The following TUNAR variants were observed in gnomAD, a reference collection of about 807,000 sequenced individuals.
The protein encoded by TUNAR is transmembrane neural differentiation associated intracellular calcium regulator, also known as protein TUNAR.
rs1446098459 is a variant in TUNAR at position 95,895,451 on chromosome 14, G to C, written c.12+18274G>C. On this transcript the variant is annotated intron_variant, in intron 2 of 2. Coordinates refer to ENST00000678517, the Ensembl canonical transcript of TUNAR. This position sits in a 1 kb window ranked among gnomAD's most constrained non-coding sequence, Gnocchi z 4.5. The stretch of plus-strand genomic sequence containing the variant: ...GGTGCGTGTGTGTATGTGTGGGTGT[G>C]CATGCATAGGAGGAAAGGGAGCGGA... 6.6e-6 allele frequency among the ~76,000 whole-genome samples: 1 copy of C among 152,144 alleles called. No individual in the cohort carries two copies. Among genetic ancestry groups the C allele is most frequent in the Non-Finnish European group, 1.5e-5 (1 of 68,026 alleles).
chr14:95,922,909 C>T (rs775271382), exon 3 of TUNAR: 6 of 398,890 alleles, frequency 1.5e-5, no homozygotes, highest in Non-Finnish European at 2.2e-5. Flanking sequence ...TGGGGATTAT[C>T]GGGACCATTC....
intron 2 of TUNAR, among the ~76,000 whole-genome samples, chr14:95,890,396 G>A (rs569114539): frequency 4.6e-5 from 7 of 152,252 alleles, no homozygotes; most frequent in African/African-American, 1.4e-4. Flanking sequence ...CCCTACATTT[G>A]TGTGGCCTCA....
At chr14:95,900,322 T>C (rs1449575089) in intron 2 of TUNAR, among the ~76,000 whole-genome samples, 1 of 151,974 alleles carries the variant, frequency 6.6e-6, no homozygotes, top group Non-Finnish European at 1.5e-5. Flanking sequence ...GGCTGCATGA[T>C]TGCGGGGAAA....
Position 95,903,167 on chromosome 14 carries a change from C to A in TUNAR, c.13-19614C>A, listed in dbSNP as rs569215734. On this transcript the variant is annotated intron_variant, in intron 2 of 2. Coordinates refer to ENST00000678517, the Ensembl canonical transcript of TUNAR. ...GAGAGAATCCCAGCTCTCTCACACCCTGAGGAAAGGGGAGATGTTTCTCCC... is the reference window on the plus strand; with the variant it reads ...GAGAGAATCCCAGCTCTCTCACACCATGAGGAAAGGGGAGATGTTTCTCCC... Among the ~76,000 whole-genome samples, 4 of 152,322 alleles carry A rather than the reference C, an allele frequency of 2.6e-5. No homozygotes were observed. The East Asian group carries it at 7.7e-4, about 29-fold the overall frequency.
intron 2 of TUNAR, among the ~76,000 whole-genome samples, chr14:95,896,340 A>G (rs1688397306): frequency 1.3e-5 from 2 of 152,182 alleles, no homozygotes; most frequent in South Asian, 2.1e-4. Context: ...AACCCCAGAA[A>G]TAGAGATTGG....
At chr14:95,908,630 C>T (rs1889463441) in intron 2 of TUNAR, among the ~76,000 whole-genome samples, 1 of 152,136 alleles carries the variant, frequency 6.6e-6, no homozygotes, top group Non-Finnish European at 1.5e-5. Flanking sequence ...AGAGATTTTC[C>T]CTTGGTCACA....
intron 2 of TUNAR, among the ~76,000 whole-genome samples, chr14:95,910,834 C>T (rs1263804967): frequency 6.6e-6 from 1 of 152,216 alleles, no homozygotes; most frequent in Non-Finnish European, 1.5e-5. Context: ...CTTTGTCACT[C>T]AGAGGCTCCC....
chr14:95,884,870 C>T (rs950915172), intron 2 of TUNAR, among the ~76,000 whole-genome samples: 1 of 152,036 alleles, frequency 6.6e-6, no homozygotes, highest in Non-Finnish European at 1.5e-5. Context: ...AAGTATTTCT[C>T]TGGCCTTTTT....
At chr14:95,882,608 C>T (rs774977169) in intron 2 of TUNAR, among the ~76,000 whole-genome samples, 3 of 152,154 alleles carry the variant, frequency 2.0e-5, no homozygotes, top group Non-Finnish European at 4.4e-5. Flanking sequence ...ATTTTTGAAA[C>T]CTGACTCCCA....
chr14:95,915,621 C>T (rs1012796068), intron 2 of TUNAR, among the ~76,000 whole-genome samples: 2 of 152,240 alleles, frequency 1.3e-5, no homozygotes, highest in African/African-American at 4.8e-5. Context: ...TCCGTGCCTT[C>T]TAGCCCTGCC....
chr14:95,913,191 G>C (rs1470063183), intron 2 of TUNAR, among the ~76,000 whole-genome samples: 1 of 145,930 alleles, frequency 6.9e-6, no homozygotes, highest in Non-Finnish European at 1.5e-5. Flanking sequence ...TACACGTGCA[G>C]AACCTGCAGG....
intron 2 of TUNAR, among the ~76,000 whole-genome samples, chr14:95,922,377 C>T (rs1889711647): frequency 6.6e-6 from 1 of 152,204 alleles, no homozygotes; most frequent in African/African-American, 2.4e-5. Context: ...ATACTCAGGA[C>T]AGCATGTTTC....
rs1467595654 is a variant in TUNAR at position 95,911,510 on chromosome 14, G to A, written c.13-11271G>A. Among the ~76,000 whole-genome samples, 3 of 152,192 alleles carry A rather than the reference G, an allele frequency of 2.0e-5. No homozygotes were observed. The South Asian group carries it at 6.2e-4, about 31-fold the overall frequency. Reference sequence around the variant, plus strand: ...AGCTGTGTTTTAGGTGACCACTGAGGTCTCTTCTTGGAAGGGAGAAGTTGA... The same window carrying A: ...AGCTGTGTTTTAGGTGACCACTGAGATCTCTTCTTGGAAGGGAGAAGTTGA... On this transcript the variant is annotated intron_variant, in intron 2 of 2. Coordinates refer to ENST00000678517, the Ensembl canonical transcript of TUNAR.
chr14:95,913,181 T>TA (rs1161161411), intron 2 of TUNAR, among the ~76,000 whole-genome samples: 1 of 151,212 alleles, frequency 6.6e-6, no homozygotes, highest in East Asian at 1.9e-4. Flanking sequence ...AGTTCTGGGA[T>TA]ACACGTGCAG....
chr14:95,913,728 A>T (rs1889556515), intron 2 of TUNAR, among the ~76,000 whole-genome samples: 1 of 152,056 alleles, frequency 6.6e-6, no homozygotes, highest in South Asian at 2.1e-4. Flanking sequence ...TCTAAGTCCT[A>T]GATGGACTGG....
intron 2 of TUNAR, among the ~76,000 whole-genome samples, chr14:95,921,453 A>G (rs1018411818): frequency 3.9e-5 from 6 of 152,234 alleles, no homozygotes; most frequent in Non-Finnish European, 5.9e-5. Context: ...TGGACCAGCA[A>G]TTGGTAGAAA....
Position 95,883,726 on chromosome 14 carries a change from C to CCG in TUNAR, c.12+6550_12+6551insGC, listed in dbSNP as rs531183611. Among the ~76,000 whole-genome samples the CCG allele has an allele frequency of 3.4e-4, 52 of 152,216 alleles. 1 individual carries two copies. The South Asian group carries it at 0.011, about 31-fold the overall frequency. On this transcript the variant is annotated intron_variant, in intron 2 of 2. Coordinates refer to ENST00000678517, the Ensembl canonical transcript of TUNAR. The stretch of plus-strand genomic sequence containing the variant: ...CTGGGTGCCTAGGGCCAAGCCACCC[C>CCG]CCCGCCGCCACTCTGACCCTTCACT...
intron 2 of TUNAR, among the ~76,000 whole-genome samples, chr14:95,885,335 T>C (rs1336375277): frequency 1.3e-5 from 2 of 152,202 alleles, no homozygotes; most frequent in Non-Finnish European, 2.9e-5. Context: ...AAAGTAGAGA[T>C]GTTCCCTGCC....
At chr14:95,910,862 C>T (rs1889501277) in intron 2 of TUNAR, among the ~76,000 whole-genome samples, 1 of 152,250 alleles carries the variant, frequency 6.6e-6, no homozygotes, top group African/African-American at 2.4e-5. Flanking sequence ...TTCCTGAAAG[C>T]CTGGAAGGCA....
Sources: allele counts gnomAD v4.1 joint callset (sites outside exome capture counted in the v4.1 genomes callset), GRCh38; gene constraint gnomAD v4.1.1; non-coding constraint Gnocchi (gnomAD v3.1); transcripts MANE v1.5; gene names NCBI Gene and HGNC (gene_info 2026-07-23, HGNC 2026-07-21).